The following CACNA1E variants were observed in gnomAD, a reference collection of about 807,000 sequenced individuals.
The protein encoded by CACNA1E is calcium voltage-gated channel subunit alpha1 E.
In CACNA1E, 40 loss-of-function variants were observed where a neutral mutation model predicts 259.2. The observed-to-expected ratio is 0.15, with a 90% CI of 0.12 to 0.20. The LOEUF (loss-of-function observed/expected upper bound fraction) is 0.20, where lower values mean the gene tolerates loss of function less well. Ranked by LOEUF, CACNA1E falls within the 10% of genes least tolerant of loss-of-function variation. CACNA1E has a pLI of 1.00. For synonymous variants in CACNA1E, 1,104 were observed against 1,138.5 expected (o/e 0.97, Z 0.61); for missense variants, 1,874 against 3,040.1 (o/e 0.62, Z 9.02).
chr1:181,518,913 G>A (rs1246778451), intron 3 of CACNA1E, among the ~76,000 whole-genome samples: 2 of 152,222 alleles, frequency 1.3e-5, no homozygotes, highest in African/African-American at 2.4e-5. Flanking sequence ...GCCAGAGGGA[G>A]TGAAGAAAGC....
At chr1:181,760,417 A>C (rs1347919256) in intron 32 of CACNA1E, among the ~76,000 whole-genome samples, 1 of 152,236 alleles carries the variant, frequency 6.6e-6, no homozygotes, top group African/African-American at 2.4e-5. Context: ...TGAAATAGGC[A>C]TGGCAGATGT....
At chr1:181,571,362 C>T (rs1433580474) in intron 3 of CACNA1E, among the ~76,000 whole-genome samples, 1 of 152,064 alleles carries the variant, frequency 6.6e-6, no homozygotes, top group Non-Finnish European at 1.5e-5. Flanking sequence ...GTCATCTGGG[C>T]CCTGAGGTCT....
intron 3 of CACNA1E, among the ~76,000 whole-genome samples, chr1:181,554,623 T>C (rs1025850716): frequency 6.6e-6 from 1 of 152,252 alleles, no homozygotes; most frequent in African/African-American, 2.4e-5. Flanking sequence ...AGTCCCAGCC[T>C]GTGCCAGGCA....
At chr1:181,331,522 C>T (rs1651262132) in intron 1 of CACNA1E, among the ~76,000 whole-genome samples, 1 of 152,156 alleles carries the variant, frequency 6.6e-6, no homozygotes, top group African/African-American at 2.4e-5. Flanking sequence ...TTGTTCTATA[C>T]AAGCCTTCAG....
At chr1:181,467,708 T>G (rs546502634) in intron 2 of CACNA1E, among the ~76,000 whole-genome samples, 6 of 152,046 alleles carry the variant, frequency 3.9e-5, no homozygotes, top group African/African-American at 1.4e-4. Flanking sequence ...AAAATGAAAG[T>G]GTACATAGTG....
chr1:181,644,306 G>T (rs1297142170), intron 6 of CACNA1E, among the ~76,000 whole-genome samples: 2 of 152,164 alleles, frequency 1.3e-5, no homozygotes, highest in Non-Finnish European at 2.9e-5. Flanking sequence ...CTGCCGATAA[G>T]TTGCTTGGAT....
In CACNA1E at chr1:181,564,808, G is replaced by T. The variant is rs566471560; in HGVS notation, c.513-12958G>T. Among the ~76,000 whole-genome samples, 3 of 152,252 alleles carry T rather than the reference G, an allele frequency of 2.0e-5. No homozygotes were observed. In the East Asian group the frequency reaches 5.8e-4, roughly 29 times the overall value. The stretch of plus-strand genomic sequence containing the variant: ...TGCAGAGTGGATGTTGTGTTAGCAG[G>T]TATGAAAACCACATTAATCTTTGTT... On this transcript the variant is annotated intron_variant, in intron 3 of 47. Coordinates refer to ENST00000367573, the MANE Select transcript of CACNA1E (RefSeq NM_001205293.3).
chr1:181,526,898 A>G (rs1667402227), intron 3 of CACNA1E, among the ~76,000 whole-genome samples: 1 of 152,242 alleles, frequency 6.6e-6, no homozygotes, highest in African/African-American at 2.4e-5. Flanking sequence ...ATTTTCAACA[A>G]TAGTACCTGC....
At chr1:181,686,548 A>G (rs537628620) in intron 7 of CACNA1E, among the ~76,000 whole-genome samples, 187 of 152,190 alleles carry the variant, frequency 1.2e-3, no homozygotes, top group Non-Finnish European at 2.0e-3. Context: ...CAGCCTCCCA[A>G]AGTGCTGGGA....
chr1:181,383,456 T>G (rs1055778540), intron 1 of CACNA1E, among the ~76,000 whole-genome samples: 1 of 152,192 alleles, frequency 6.6e-6, no homozygotes, highest in African/African-American at 2.4e-5. Flanking sequence ...GAAGCAGAAG[T>G]AGTAAACGGA....
intron 3 of CACNA1E, among the ~76,000 whole-genome samples, chr1:181,518,008 G>A (rs1572082050): frequency 6.6e-6 from 1 of 152,062 alleles, no homozygotes; most frequent in Admixed American, 6.5e-5. Flanking sequence ...TGAGCCTGGC[G>A]GGACCTCAGA....
At chr1:181,449,093 C>T (rs1660984291) in intron 2 of CACNA1E, among the ~76,000 whole-genome samples, 1 of 152,238 alleles carries the variant, frequency 6.6e-6, no homozygotes, top group African/African-American at 2.4e-5. Flanking sequence ...GGCAGGGCCA[C>T]ATCTGGAGGC....
At chr1:181,552,797 G>T (rs1342988995) in intron 3 of CACNA1E, among the ~76,000 whole-genome samples, 2 of 151,240 alleles carry the variant, frequency 1.3e-5, no homozygotes, top group East Asian at 1.9e-4. Context: ...AGGCCCCTTT[G>T]CAGGGACATG....
chr1:181,496,613 C>A (rs552352237), intron 1 of CACNA1E, among the ~76,000 whole-genome samples: 1 of 152,106 alleles, frequency 6.6e-6, no homozygotes, highest in African/African-American at 2.4e-5. Flanking sequence ...GAAGGGGAAA[C>A]CTCCATTGCT....
At chr1:181,699,718 C>T (rs1214878779) in intron 7 of CACNA1E, among the ~76,000 whole-genome samples, 1 of 152,054 alleles carries the variant, frequency 6.6e-6, no homozygotes, top group Non-Finnish European at 1.5e-5. Flanking sequence ...CAGCAGTAGC[C>T]TGGACTAGGG....
chr1:181,664,756 G>A (rs1184597084), intron 7 of CACNA1E, among the ~76,000 whole-genome samples: 1 of 152,096 alleles, frequency 6.6e-6, no homozygotes, highest in African/African-American at 2.4e-5. Context: ...TATGGCGGGG[G>A]TGGAGAGGTG....
At position 181,798,529 on chromosome 1, in the gene CACNA1E, T is replaced by C; in HGVS notation, c.6637T>C (p.Ser2213Pro). 2 of 1,613,750 alleles carry C rather than the reference T, an allele frequency of 1.2e-6. No homozygotes were observed. Among genetic ancestry groups the C allele is most frequent in the Non-Finnish European group, 1.7e-6 (2 of 1,179,866 alleles). The change falls in exon 48 of 48, where the codon TCT (serine) becomes CCT (proline). Residue 2213 changes from serine to proline, a missense_variant. Around this residue, in one of 14 missense-constraint regions of CACNA1E, gnomAD observed 542 missense variants for 587.2 expected, o/e 0.92. Coordinates refer to ENST00000367573, the MANE Select transcript of CACNA1E (RefSeq NM_001205293.3). The surrounding 1 kb of genome is among the most constrained non-coding windows in gnomAD (Gnocchi z 4.2). ...NNACLTESSN[S>P]PHPQQSQHAS... Reference sequence around the variant, plus strand: ...TGCTTGCCTGACCGAGTCTTCCAACTCTCCGCACCCCCAGCAGAGCCAACA... The same window carrying C: ...TGCTTGCCTGACCGAGTCTTCCAACCCTCCGCACCCCCAGCAGAGCCAACA...
At chr1:181,421,848 C>CATCTTTGT (rs1277716716) in intron 2 of CACNA1E, among the ~76,000 whole-genome samples, 4 of 152,180 alleles carry the variant, frequency 2.6e-5, no homozygotes, top group African/African-American at 9.7e-5. Context: ...CGTGTCTTTG[C>CATCTTTGT]ATCTTTGTTT....
chr1:181,448,833 C>T lies in CACNA1E; in HGVS notation c.435-34911C>T, dbSNP rs902854795. Among the ~76,000 whole-genome samples, 7 of 152,228 alleles carry T rather than the reference C, an allele frequency of 4.6e-5. No homozygotes were observed. The East Asian group carries it at 1.3e-3, about 29-fold the overall frequency. On this transcript the variant is annotated intron_variant, in intron 2 of 11. Coordinates refer to the CACNA1E transcript ENST00000524607. The stretch of plus-strand genomic sequence containing the variant: ...ATACCAGTCGGAAAGCTGGTCCAAG[C>T]CTCCTCTGTCCTGCTCATCTCAGCT...
Sources: allele counts gnomAD v4.1 joint callset (sites outside exome capture counted in the v4.1 genomes callset), GRCh38; gene constraint gnomAD v4.1.1; regional missense constraint gnomAD v4.1.1; non-coding constraint Gnocchi (gnomAD v3.1); transcripts MANE v1.5; gene names NCBI Gene and HGNC (gene_info 2026-07-23, HGNC 2026-07-21).